The following TMEM233 variants were observed in gnomAD, a reference collection of about 807,000 sequenced individuals.
The protein encoded by TMEM233 is transmembrane protein 233, also known as dispanin subfamily B member 2.
In TMEM233, 6 loss-of-function variants were observed where a neutral mutation model predicts 11.2. The observed-to-expected ratio is 0.54, with a 90% CI of 0.29 to 1.06. TMEM233 has a LOEUF of 1.06. Ranked by LOEUF, TMEM233 falls within the 50% of genes least tolerant of loss-of-function variation. TMEM233 has a pLI of 0.08. For synonymous variants in TMEM233, 59 were observed against 55.8 expected (o/e 1.06, Z -0.26); for missense variants, 127 against 144.7 (o/e 0.88, Z 0.63).
intron 1 of TMEM233, among the ~76,000 whole-genome samples, chr12:119,628,450 C>T (rs1457785465): frequency 6.6e-6 from 1 of 150,920 alleles, no homozygotes. Context: ...CGTGAGCCAG[C>T]ACGCCCGGCC....
At chr12:119,621,521 C>T (rs933017612) in intron 1 of TMEM233, among the ~76,000 whole-genome samples, 1 of 151,722 alleles carries the variant, frequency 6.6e-6, no homozygotes, top group Admixed American at 6.6e-5. Flanking sequence ...AAAAAAAACA[C>T]AAACTTCTGT....
intron 1 of TMEM233, among the ~76,000 whole-genome samples, chr12:119,628,492 C>CTTT (rs60789807): frequency 4.8e-4 from 25 of 52,446 alleles, no homozygotes; most frequent in African/African-American, 1.3e-3. Flanking sequence ...CCAGCTCACT[C>CTTT]TTTTTTTTTT....
chr12:119,632,542 C>T (rs539859830), intron 2 of TMEM233, among the ~76,000 whole-genome samples: 1 of 152,200 alleles, frequency 6.6e-6, no homozygotes, highest in African/African-American at 2.4e-5. Context: ...CTAAGGTTCA[C>T]AAAATCAAAG....
the TMEM233 span, among the ~76,000 whole-genome samples, chr12:119,649,150 T>A: frequency 6.6e-6 from 1 of 151,964 alleles, no homozygotes; most frequent in Non-Finnish European, 1.5e-5. Flanking sequence ...ATACAAAAAT[T>A]AGCCGAGAGT....
At chr12:119,621,683 A>G (rs904043580) in intron 1 of TMEM233, among the ~76,000 whole-genome samples, 3 of 152,228 alleles carry the variant, frequency 2.0e-5, no homozygotes, top group Non-Finnish European at 1.5e-5. Flanking sequence ...GACCAATACA[A>G]TAATCCTTGA....
chr12:119,615,253 C>G (rs556633654), intron 1 of TMEM233, among the ~76,000 whole-genome samples: 2 of 145,250 alleles, frequency 1.4e-5, no homozygotes, highest in Admixed American at 7.0e-5. Flanking sequence ...ATTCTGTATT[C>G]ATCTTATTTA....
At position 119,595,512 on chromosome 12, in the gene TMEM233, A is replaced by C. The variant is rs1406591287; in HGVS notation, c.186+1478A>C. Among the ~76,000 whole-genome samples the C allele has an allele frequency of 6.6e-6, 1 of 152,260 alleles. No homozygotes were observed. The highest frequency in any genetic ancestry group is 1.9e-4 in the East Asian group (1 of 5,194). On this transcript the variant is annotated intron_variant, in intron 1 of 2. Coordinates refer to ENST00000426426, the MANE Select transcript of TMEM233 (RefSeq NM_001136534.3). This position sits in a 1 kb window ranked among gnomAD's most constrained non-coding sequence, Gnocchi z 4.3. ...TGAAAGCGTGCAGCCGCTGAAGTTCAGACAAGTCTGTATTCAAATCCCAAT... is the reference window on the plus strand; with the variant it reads ...TGAAAGCGTGCAGCCGCTGAAGTTCCGACAAGTCTGTATTCAAATCCCAAT...
At chr12:119,631,767 T>G in intron 2 of TMEM233, 1 of 524,018 alleles carries the variant, frequency 1.9e-6, no homozygotes, top group Non-Finnish European at 2.4e-6. Context: ...TTGTTTAACA[T>G]TCCTGAACCT....
chr12:119,612,487 G>T (rs1012999365), intron 1 of TMEM233, among the ~76,000 whole-genome samples: 1 of 152,212 alleles, frequency 6.6e-6, no homozygotes, highest in South Asian at 2.1e-4. Flanking sequence ...AGTGGTTCAT[G>T]CCTATAATCC....
the TMEM233 span, among the ~76,000 whole-genome samples, chr12:119,650,497 G>A: frequency 6.6e-6 from 1 of 152,230 alleles, no homozygotes; most frequent in African/African-American, 2.4e-5. Flanking sequence ...ATAACAGCGT[G>A]CAATGACCTA....
chr12:119,619,238 A>C (rs989356632), intron 1 of TMEM233, among the ~76,000 whole-genome samples: 15 of 152,226 alleles, frequency 9.9e-5, no homozygotes, highest in African/African-American at 3.6e-4. Context: ...ACTGTGAGTC[A>C]GTTAAACCTC....
chr12:119,646,953 A>G (rs570991904), downstream of TMEM233, among the ~76,000 whole-genome samples: 1 of 152,350 alleles, frequency 6.6e-6, no homozygotes, highest in South Asian at 2.1e-4. Flanking sequence ...CGCTTAAAAA[A>G]CACACACAGC....
chr12:119,640,915 CAA>C lies in TMEM233; in HGVS notation c.*212_*213del, dbSNP rs1040654019. Reference sequence around the variant, plus strand: ...ATCCAAGCTGCACAGCCGGATCAGCCAAAGTCATTGATTTGTAAAAATGAAAA... The same window carrying C: ...ATCCAAGCTGCACAGCCGGATCAGCCAGTCATTGATTTGTAAAAATGAAAA... On this transcript the variant is annotated 3_prime_UTR_variant, in exon 3 of 3. Coordinates refer to ENST00000426426, the MANE Select transcript of TMEM233 (RefSeq NM_001136534.3). 5 of 499,324 alleles carry C rather than the reference CAA, an allele frequency of 1.0e-5. No individual in the cohort carries two copies. The Admixed American group carries it at 1.7e-4, about 17-fold the overall frequency. The allele number at this position is 499,324 out of a possible 1,614,324, so 30.9% of individuals were successfully genotyped here. A position where few individuals can be genotyped will look rare whatever the true frequency, so the allele number is the denominator to read the frequency against.
intron 1 of TMEM233, among the ~76,000 whole-genome samples, chr12:119,604,949 A>G: frequency 6.6e-6 from 1 of 151,056 alleles, no homozygotes; most frequent in South Asian, 2.1e-4. Flanking sequence ...GGTGTTTTTA[A>G]TGAGTCTCCG....
In TMEM233 at chr12:119,615,173, T is replaced by TAAAAAAAAA. The variant is rs60318959; in HGVS notation, c.187-14538_187-14530dup. ...AGGTCTCAGTCTACCCGCTTTCTGC[T>TAAAAAAAAA]AAAAAAAAAAAAAAAAAAAAAAAAA... On this transcript the variant is annotated intron_variant, in intron 1 of 2. Transcript: ENST00000426426. Among the ~76,000 whole-genome samples, 83 of 56,194 alleles carry TAAAAAAAAA rather than the reference T, an allele frequency of 1.5e-3. 4 individuals are homozygous for TAAAAAAAAA. The highest frequency in any genetic ancestry group is 5.5e-3 in the African/African-American group (75 of 13,742). 36.9% of individuals were successfully genotyped at this position (56,194 alleles called of 152,430 possible).
At chr12:119,645,517 C>G (rs1340861139), downstream of TMEM233, among the ~76,000 whole-genome samples, 1 of 152,136 alleles carries the variant, frequency 6.6e-6, no homozygotes, top group Non-Finnish European at 1.5e-5. Context: ...ACTCAGGCAT[C>G]ACCTACACTT....
intron 1 of TMEM233, among the ~76,000 whole-genome samples, chr12:119,599,137 T>G (rs192468069): frequency 5.3e-5 from 8 of 152,350 alleles, no homozygotes; most frequent in African/African-American, 1.9e-4. Context: ...AAAGAGGACT[T>G]TCGATTAATC....
intron 1 of TMEM233, among the ~76,000 whole-genome samples, chr12:119,608,172 C>G (rs1274030332): frequency 6.6e-6 from 1 of 152,168 alleles, no homozygotes; most frequent in African/African-American, 2.4e-5. Context: ...GTAGCTCTTT[C>G]TCTACCCAAG....
chr12:119,614,707 T>C (rs931702576), intron 1 of TMEM233, among the ~76,000 whole-genome samples: 3 of 152,152 alleles, frequency 2.0e-5, no homozygotes, highest in South Asian at 2.1e-4. Context: ...ACAGAAACAC[T>C]GTTTGACTGT....
Sources: gnomAD v4.1 joint callset for allele counts (sites outside exome capture counted in the v4.1 genomes callset) on GRCh38, gnomAD v4.1.1 for gene constraint, Gnocchi (gnomAD v3.1) non-coding constraint, MANE v1.5 for transcripts, NCBI Gene and HGNC (gene_info 2026-07-23, HGNC 2026-07-21) for gene names.